The following CNTNAP2 variants were observed in gnomAD, a reference collection of about 807,000 sequenced individuals.
The protein encoded by CNTNAP2 is contactin associated protein 2.
In CNTNAP2, 98 loss-of-function variants were observed where a neutral mutation model predicts 155.2. The observed-to-expected ratio is 0.63, with a 90% CI of 0.54 to 0.75. CNTNAP2 has a LOEUF of 0.75. CNTNAP2 is among the 30% of genes least tolerant of loss of function. The pLI is 0.00. For synonymous variants in CNTNAP2, 651 were observed against 631.2 expected (o/e 1.03, Z -0.47); for missense variants, 1,727 against 1,688.1 (o/e 1.02, Z -0.40).
chr7:146,955,059 C>A (rs1263309295), intron 3 of CNTNAP2, among the ~76,000 whole-genome samples: 2 of 151,894 alleles, frequency 1.3e-5, no homozygotes, highest in Non-Finnish European at 2.9e-5. Flanking sequence ...GTCAAACAAC[C>A]TTATTTGGCA....
chr7:146,770,251 G>A (rs1000373627), intron 1 of CNTNAP2, among the ~76,000 whole-genome samples: 8 of 150,868 alleles, frequency 5.3e-5, no homozygotes, highest in Non-Finnish European at 1.2e-4. Flanking sequence ...TTGTATGTAT[G>A]TGTGTGTGTG....
intron 1 of CNTNAP2, among the ~76,000 whole-genome samples, chr7:146,766,858 A>G (rs972324131): frequency 3.3e-5 from 5 of 152,202 alleles, no homozygotes; most frequent in South Asian, 4.1e-4. Flanking sequence ...GCTCACCCCT[A>G]TAACACTGGG....
At chr7:148,286,736 G>A (rs73464163) in intron 21 of CNTNAP2, among the ~76,000 whole-genome samples, 22,190 of 152,100 alleles carry the variant, frequency 0.15, 2,086 homozygotes, top group African/African-American at 0.26. Context: ...AAACACTATC[G>A]TGTGGATTAA....
chr7:146,610,692 T>C (rs886429102), intron 1 of CNTNAP2, among the ~76,000 whole-genome samples: 2 of 152,212 alleles, frequency 1.3e-5, no homozygotes. Flanking sequence ...AATCTAGACT[T>C]CTAATGGTTC....
chr7:146,983,072 C>T (rs1440337261), intron 3 of CNTNAP2, among the ~76,000 whole-genome samples: 1 of 152,080 alleles, frequency 6.6e-6, no homozygotes, highest in Non-Finnish European at 1.5e-5. Flanking sequence ...TTGATAATTA[C>T]CTACTTGAAA....
At chr7:148,269,542 T>A (rs1796737950) in intron 21 of CNTNAP2, among the ~76,000 whole-genome samples, 1 of 152,232 alleles carries the variant, frequency 6.6e-6, no homozygotes, top group Non-Finnish European at 1.5e-5. Flanking sequence ...AACCTCATTT[T>A]GCAGATGAGA....
At chr7:148,055,752 CATT>C (rs1802995229) in intron 15 of CNTNAP2, among the ~76,000 whole-genome samples, 3 of 31,618 alleles carry the variant, frequency 9.5e-5, no homozygotes, top group African/African-American at 2.6e-4. Flanking sequence ...GAAGGAAAAG[CATT>C]GCAGTTAAGA....
chr7:146,318,241 GT>G (rs1273236607), intron 1 of CNTNAP2, among the ~76,000 whole-genome samples: 1 of 151,816 alleles, frequency 6.6e-6, no homozygotes, highest in African/African-American at 2.4e-5. Flanking sequence ...ATGGATCAGA[GT>G]TTTACACATT....
chr7:146,350,626 C>A (rs1261358339), intron 1 of CNTNAP2, among the ~76,000 whole-genome samples: 2 of 151,868 alleles, frequency 1.3e-5, no homozygotes, highest in Non-Finnish European at 2.9e-5. Flanking sequence ...TGTGGCAATT[C>A]CTCAGGGATC....
chr7:148,355,495 A>G (rs576750436), intron 21 of CNTNAP2, among the ~76,000 whole-genome samples: 1 of 152,224 alleles, frequency 6.6e-6, no homozygotes, highest in East Asian at 1.9e-4. Flanking sequence ...TACTTACTCA[A>G]TATAATCCCA....
At chr7:147,775,528 A>G (rs1271438606) in intron 13 of CNTNAP2, among the ~76,000 whole-genome samples, 1 of 148,794 alleles carries the variant, frequency 6.7e-6, no homozygotes, top group Non-Finnish European at 1.5e-5. Context: ...CTGCTGGTAC[A>G]ATTGATCCTA....
At chr7:147,561,442 G>T (rs959900956) in intron 11 of CNTNAP2, among the ~76,000 whole-genome samples, 1 of 152,136 alleles carries the variant, frequency 6.6e-6, no homozygotes, top group African/African-American at 2.4e-5. Context: ...CTGAAAACAG[G>T]TGCAGTCTCA....
In CNTNAP2 at chr7:147,683,226, C is replaced by A. The variant is rs185842941; in HGVS notation, c.2098+43920C>A. ...ATTTGTCCAACATTCCCATGAAGGA[C>A]AAATGTAATTAATCCCAATTTAAAC... is the stretch of plus-strand genomic sequence containing the variant. On this transcript the variant is annotated intron_variant, in intron 13 of 23. Coordinates refer to ENST00000361727, the MANE Select transcript of CNTNAP2 (RefSeq NM_014141.6). Among the ~76,000 whole-genome samples the A allele has an allele frequency of 2.6e-5, 4 of 151,274 alleles. No homozygotes were observed. In the East Asian group the frequency reaches 7.8e-4, roughly 29 times the overall value.
intron 15 of CNTNAP2, among the ~76,000 whole-genome samples, chr7:148,041,705 T>C (rs1802679120): frequency 6.6e-6 from 1 of 152,218 alleles, no homozygotes; most frequent in East Asian, 1.9e-4. Context: ...GGGAAGAATA[T>C]CATTAGTATA....
In CNTNAP2 at chr7:146,701,831, A is replaced by G. The variant is rs181018469; in HGVS notation, c.98-72440A>G. Among the ~76,000 whole-genome samples, 281 of 152,278 alleles carry G rather than the reference A, an allele frequency of 1.8e-3. 1 individual carries two copies. Among genetic ancestry groups the G allele is most frequent in the African/African-American group, 6.7e-3 (277 of 41,570 alleles). Reference sequence around the variant, plus strand: ...CAAGAAGTCTTTCAGCATAAAAGAGACAGTCTTTCATATTCAATCAATACA... The same window carrying G: ...CAAGAAGTCTTTCAGCATAAAAGAGGCAGTCTTTCATATTCAATCAATACA... On this transcript the variant is annotated intron_variant, in intron 1 of 23. Transcript: ENST00000361727.
chr7:147,311,099 T>C (rs959436057), intron 9 of CNTNAP2, among the ~76,000 whole-genome samples: 2 of 151,634 alleles, frequency 1.3e-5, no homozygotes, highest in Non-Finnish European at 2.9e-5. Flanking sequence ...GGGCGGGGAG[T>C]TCTGGCTAAA....
rs552245442 is a variant in CNTNAP2, at chr7:148,363,960, G to A, written c.3476-19689G>A. On this transcript the variant is annotated intron_variant, in intron 21 of 23. Coordinates refer to ENST00000361727, the MANE Select transcript of CNTNAP2 (RefSeq NM_014141.6). ...GGGGGACTTAGCACCCGGGCCAGTGGCTGCGGAGGGTGTACTGGGTCCCCC... is the reference window on the plus strand; with the variant it reads ...GGGGGACTTAGCACCCGGGCCAGTGACTGCGGAGGGTGTACTGGGTCCCCC... 5.9e-5 allele frequency among the ~76,000 whole-genome samples: 9 copies of A among 152,302 alleles called. No homozygotes were observed. The East Asian group carries it at 9.7e-4, about 16-fold the overall frequency.
intron 1 of CNTNAP2, among the ~76,000 whole-genome samples, chr7:146,159,473 A>G (rs148472184): frequency 0.023 from 3,512 of 152,268 alleles, 115 homozygotes; most frequent in African/African-American, 0.079. Flanking sequence ...AAGACCCATC[A>G]GTGTGCTGTA....
chr7:146,682,167 A>G (rs1357977999), intron 1 of CNTNAP2, among the ~76,000 whole-genome samples: 1 of 152,136 alleles, frequency 6.6e-6, no homozygotes, highest in Non-Finnish European at 1.5e-5. Flanking sequence ...TTGTATCAAA[A>G]TTTTAATTAA....
Sources: gnomAD v4.1 joint callset for allele counts (sites outside exome capture counted in the v4.1 genomes callset) on GRCh38, gnomAD v4.1.1 for gene constraint, MANE v1.5 for transcripts, NCBI Gene and HGNC (gene_info 2026-07-23, HGNC 2026-07-21) for gene names.